PCDH19: variants seen among roughly 807,000 people sequenced by gnomAD.
PCDH19 encodes the protein protocadherin 19.
Under a neutral mutation model 46.2 loss-of-function variants are expected in PCDH19, and 6 were observed. That is an observed-to-expected ratio of 0.13 (90% confidence interval 0.07 to 0.26). The LOEUF (loss-of-function observed/expected upper bound fraction) is 0.26. Among genes scored for constraint, PCDH19 ranks in the 10% least tolerant of loss-of-function variants. The pLI, the probability that PCDH19 is intolerant of heterozygous loss-of-function variation, is 1.00. For missense variants in PCDH19, 740 were observed against 972.3 expected, an observed-to-expected ratio of 0.76 and a Z score of 3.18; for synonymous variants, 481 against 415.7, an observed-to-expected ratio of 1.16 and a Z score of -1.91.
intron 5 of PCDH19, among the ~76,000 whole-genome samples, chrX:100,320,595 C>T (rs1366641752): frequency 1.8e-5 from 2 of 111,119 alleles, no homozygotes; most frequent in African/African-American, 3.3e-5. Context: ...AAGAACTAAT[C>T]AATCTTGAAT....
intron 5 of PCDH19, among the ~76,000 whole-genome samples, chrX:100,326,292 C>G (rs1305846754): frequency 8.9e-6 from 1 of 112,022 alleles, no homozygotes. Flanking sequence ...GAAGCTCATT[C>G]ATATGGCAAG....
intron 3 of PCDH19, among the ~76,000 whole-genome samples, chrX:100,377,716 C>T (rs972715460): frequency 9.0e-6 from 1 of 111,616 alleles, no homozygotes; most frequent in Non-Finnish European, 1.9e-5. Flanking sequence ...AAAGAGAATT[C>T]GATACTACGC....
At chrX:100,348,065 CAAAAAAA>C (rs1177957771) in intron 4 of PCDH19, among the ~76,000 whole-genome samples, 93 of 40,598 alleles carry the variant, frequency 2.3e-3, no homozygotes, top group Non-Finnish European at 3.6e-3. Flanking sequence ...GATTCCGTCT[CAAAAAAA>C]AAAAAAAAAA....
At chrX:100,402,432 G>A (rs1928210259) in intron 3 of PCDH19, 92 bp downstream of exon 3, 2 of 771,899 alleles carry the variant, frequency 2.6e-6, no homozygotes, top group Admixed American at 2.5e-5. Context: ...CCCCTGCCAG[G>A]GGATGTGCCA....
At position 100,403,571 on chromosome X, in the gene PCDH19, C is replaced by T; in HGVS notation, c.2241G>A (p.Glu747=). ...TCTCCTCTGTCTTTTTGTCTTGCTC[C>T]TCGCTAATGGGAGAAACCGAGATGC... ...LHCISVSPIS[E]EQDKKTEEKV... The change falls in exon 2 of 6, where the codon GAG becomes GAA. Residue 747 remains glutamate, a synonymous_variant. Transcript: ENST00000373034. 1 of 1,209,930 alleles carries T rather than the reference C, an allele frequency of 8.3e-7. No individual in the cohort carries two copies. Among genetic ancestry groups the T allele is most frequent in the Non-Finnish European group, 1.1e-6 (1 of 894,728 alleles).
At chrX:100,330,519 A>G (rs1925843530) in intron 5 of PCDH19, among the ~76,000 whole-genome samples, 1 of 112,579 alleles carries the variant, frequency 8.9e-6, no homozygotes. Context: ...GTTTCTCCAA[A>G]TTATTAGAGT....
At chrX:100,307,288 C>CA (rs1349361703) in intron 5 of PCDH19, among the ~76,000 whole-genome samples, 6 of 111,603 alleles carry the variant, frequency 5.4e-5, no homozygotes, top group Non-Finnish European at 1.1e-4. Flanking sequence ...AAATTTAAAA[C>CA]AAAAATCACA....
chrX:100,385,292 T>A (rs1927680564), intron 3 of PCDH19, among the ~76,000 whole-genome samples: 1 of 111,504 alleles, frequency 9.0e-6, no homozygotes, highest in Admixed American at 9.6e-5. Context: ...TGAAATGGGC[T>A]TTCATACACT....
intron 3 of PCDH19, among the ~76,000 whole-genome samples, chrX:100,399,406 CT>C (rs1928114491): frequency 8.9e-6 from 1 of 111,868 alleles, no homozygotes; most frequent in Non-Finnish European, 1.9e-5. Flanking sequence ...CACCTATTTA[CT>C]TGATTGTCTC....
Position 100,292,625 on chromosome X carries a change from T to A in PCDH19, c.*3652A>T, listed in dbSNP as rs897859616. 9.0e-6 allele frequency: 1 copy of A among 111,298 alleles called. No individual in the cohort carries two copies. Among genetic ancestry groups the A allele is most frequent in the Non-Finnish European group, 1.9e-5 (1 of 52,999 alleles). 9.2% of individuals were successfully genotyped at this position (111,298 alleles called of 1,213,427 possible). A position where few individuals can be genotyped will look rare whatever the true frequency, so the allele number is the denominator to read the frequency against. Reference sequence around the variant, plus strand: ...CCGGTCCCAGCCCCACCCCCAAACATCCCCTTTGAATATTACTTTGTTACA... The same window carrying A: ...CCGGTCCCAGCCCCACCCCCAAACAACCCCTTTGAATATTACTTTGTTACA... On this transcript the variant is annotated 3_prime_UTR_variant, in exon 6 of 6. Transcript: ENST00000373034.
chrX:100,407,389 G>T lies in PCDH19; in HGVS notation c.1209C>A (p.Ser403=). 1 of 1,212,233 alleles carries T rather than the reference G, an allele frequency of 8.2e-7. No individual in the cohort carries two copies. Among genetic ancestry groups the T allele is most frequent in the Non-Finnish European group, 1.1e-6 (1 of 895,600 alleles). ...PFRLQEYESF[S]TILVDGRLDR... ...CCAGCCGTCCGTCCACCAGAATAGT[G>T]GAGAAGCTCTCATATTCCTGCAGTC... The change falls in exon 1 of 6, where the codon TCC becomes TCA. Residue 403 remains serine (S), a synonymous_variant. Transcript: ENST00000373034.
chrX:100,348,083 A>AAAAG (rs1254722519), intron 4 of PCDH19, among the ~76,000 whole-genome samples: 1,417 of 106,329 alleles, frequency 0.013, 43 homozygotes, highest in African/African-American at 0.048. Context: ...AAAAAAAAAA[A>AAAAG]AAAGAAAGAA....
At chrX:100,305,112 C>A (rs1280475577) in intron 5 of PCDH19, among the ~76,000 whole-genome samples, 1 of 111,930 alleles carries the variant, frequency 8.9e-6, no homozygotes, top group Non-Finnish European at 1.9e-5. Flanking sequence ...ATCACCTAGG[C>A]ACATAGTCAT....
rs745510287 is a variant in PCDH19, at chrX:100,296,750, C to A, written c.2974G>T (p.Ala992Ser). 1.7e-6 allele frequency: 2 copies of A among 1,211,035 alleles called. No individual in the cohort carries two copies. The highest frequency in any genetic ancestry group is 2.2e-6 in the Non-Finnish European group (2 of 895,167). ...GCAGCAGTAGCTTCAATAGACAGCG[C>A]GATGATGTTCCTCACATGCTCAGGG... ...KSPEHVRNII[A>S]LSIEATAADV... The change falls in exon 6 of 6, where the codon GCG becomes TCG. Residue 992 changes from alanine to serine, a missense_variant. By Grantham distance (99) the Ala-to-Ser change is moderately conservative. This residue lies in a region of PCDH19 where 416 missense variants were observed against 476.8 expected (regional missense o/e 0.87). Coordinates refer to ENST00000373034, the MANE Select transcript of PCDH19 (RefSeq NM_001184880.2).
chrX:100,304,613 C>T (rs1924882543), intron 5 of PCDH19, among the ~76,000 whole-genome samples: 1 of 111,770 alleles, frequency 8.9e-6, no homozygotes, highest in South Asian at 3.7e-4. Flanking sequence ...AGGTCAATTA[C>T]TAAGCTAATC....
chrX:100,402,930 G>A (rs1163101899), intron 2 of PCDH19, 79 bp from the exon 3 acceptor site: 19 of 771,374 alleles, frequency 2.5e-5, no homozygotes, highest in Non-Finnish European at 3.5e-5. Context: ...AAGCACCCCA[G>A]AGGGTTGCAC....
intron 5 of PCDH19, among the ~76,000 whole-genome samples, chrX:100,307,126 T>A (rs986436343): frequency 3.6e-5 from 4 of 111,650 alleles, no homozygotes; most frequent in Non-Finnish European, 7.5e-5. Context: ...ATATCCCTGA[T>A]GAACACAGAT....
intron 3 of PCDH19, among the ~76,000 whole-genome samples, chrX:100,353,133 C>T (rs1003713671): frequency 3.6e-5 from 4 of 111,981 alleles, no homozygotes; most frequent in African/African-American, 1.3e-4. Context: ...CTGCAACTAA[C>T]TCCAAGTAGG....
intron 5 of PCDH19, among the ~76,000 whole-genome samples, chrX:100,322,489 A>C (rs1020243095): frequency 7.2e-5 from 8 of 110,970 alleles, no homozygotes; most frequent in African/African-American, 2.0e-4. Flanking sequence ...GTATAGCTTG[A>C]AATCAGGTAG....
Sources: gnomAD v4.1 joint callset for allele counts (sites outside exome capture counted in the v4.1 genomes callset) on GRCh38, gnomAD v4.1.1 for gene constraint, gnomAD v4.1.1 regional missense constraint, MANE v1.5 for transcripts, NCBI Gene and HGNC (gene_info 2026-07-23, HGNC 2026-07-21) for gene names.